Variants in ZP2 observed in about 807,000 individuals in gnomAD.
ZP2 encodes the protein zona pellucida glycoprotein 2.
Under a neutral mutation model 84.0 loss-of-function variants are expected in ZP2, and 51 were observed. That is an observed-to-expected ratio of 0.61 (90% CI 0.49 to 0.77). The LOEUF (loss-of-function observed/expected upper bound fraction) is 0.77. Ranked by LOEUF, ZP2 falls within the 30% of genes least tolerant of loss-of-function variation. ZP2 has a pLI of 0.00. For missense variants in ZP2, 909 were observed against 911.9 expected, an observed-to-expected ratio of 1.00 and a Z score of 0.04; for synonymous variants, 375 against 330.9, an observed-to-expected ratio of 1.13 and a Z score of -1.45.
At chr16:21,212,507 T>C (rs1234732840), upstream of ZP2, among the ~76,000 whole-genome samples, 4 of 152,258 alleles carry the variant, frequency 2.6e-5, no homozygotes, top group Non-Finnish European at 5.9e-5. Flanking sequence ...AAATACTGTT[T>C]TGTAATCTGC....
chr16:21,199,162 GAT>G (rs1276338691), intron 16 of ZP2, among the ~76,000 whole-genome samples: 1 of 149,030 alleles, frequency 6.7e-6, no homozygotes, highest in African/African-American at 2.5e-5. Flanking sequence ...CTCTACTAAA[GAT>G]ATAAAAGTTA....
chr16:21,202,351 C>G, intron 10 of ZP2, 60 bp from the exon 11 acceptor site: 1 of 1,403,376 alleles, frequency 7.1e-7, no homozygotes, highest in Non-Finnish European at 9.5e-7. Context: ...ACTGTCATCT[C>G]CCAACCTGAT....
upstream of ZP2, among the ~76,000 whole-genome samples, chr16:21,214,058 G>A (rs528952640): frequency 1.3e-5 from 2 of 151,836 alleles, no homozygotes; most frequent in Non-Finnish European, 2.9e-5. Flanking sequence ...TCTCCAGAGC[G>A]GGAAGTTTTT....
At chr16:21,206,769 T>G in intron 5 of ZP2, 69 bp downstream of exon 5, 2 of 1,591,890 alleles carry the variant, frequency 1.3e-6, no homozygotes, top group Non-Finnish European at 1.7e-6. Context: ...AGCCCCGCCC[T>G]GGTTAGATCA....
At chr16:21,211,058 G>C (rs1200326747) in intron 2 of ZP2, among the ~76,000 whole-genome samples, 1 of 152,118 alleles carries the variant, frequency 6.6e-6, no homozygotes, top group East Asian at 1.9e-4. Flanking sequence ...GTGGTGGTTT[G>C]CTGTTCTGTG....
chr16:21,203,119 CTT>C lies in ZP2; in HGVS notation c.1099+4_1099+5del. 6.2e-7 allele frequency: 1 copy of C among 1,612,718 alleles called. No homozygotes were observed. Among genetic ancestry groups the C allele is most frequent in the East Asian group, 2.2e-5 (1 of 44,836 alleles). ...GTAGAACATGATTTTAATAAAAGGT[CTT>C]TACCTATAGAAACGGGTGACTCACA... is the stretch of plus-strand genomic sequence containing the variant. On this transcript the variant is annotated splice_donor_5th_base_variant and intron_variant, in intron 10 of 18. Transcript: ENST00000574091.
At chr16:21,211,680 G>T (rs772998952), upstream of ZP2, 45 of 1,563,446 alleles carry the variant, frequency 2.9e-5, 2 homozygotes, top group South Asian at 4.6e-4. Context: ...CAGCTGAAAC[G>T]GAAGGATTGG....
rs1351143334 is a variant in ZP2 at position 21,205,482 on chromosome 16, T to C, written c.631A>G (p.Ile211Val). The change falls in exon 7 of 19, where the codon ATT (isoleucine) becomes GTT (valine). Residue 211 changes from isoleucine (I) to valine (V), a missense_variant. Ile to Val is a conservative substitution (Grantham distance 29). Coordinates refer to ENST00000574091, the MANE Select transcript of ZP2 (RefSeq NM_001376232.1). ...EAMKEGFSLL[I>V]DNHRMTFHVP... is the part of the protein sequence containing the mutation. Reference sequence around the variant, plus strand: ...TGGAAGGTCATCCTGTGGTTGTCAATCAAGAGGCTGAAGCCTTCCTTCATG... The same window carrying C: ...TGGAAGGTCATCCTGTGGTTGTCAACCAAGAGGCTGAAGCCTTCCTTCATG... 4 of 1,613,966 alleles carry C rather than the reference T, an allele frequency of 2.5e-6. No individual in the cohort carries two copies. Among genetic ancestry groups the C allele is most frequent in the Non-Finnish European group, 3.4e-6 (4 of 1,179,996 alleles).
In ZP2 at chr16:21,197,566, C is replaced by G. The variant is rs1388659303; in HGVS notation, c.2152G>C (p.Ala718Pro). 3 of 1,614,186 alleles carry G rather than the reference C, an allele frequency of 1.9e-6. No homozygotes were observed. The highest frequency in any genetic ancestry group is 2.5e-6 in the Non-Finnish European group (3 of 1,180,026). ...ACACCTGCAAAGGCAGCCACAGCAGCCACAGCTTTGGAACCAACATCTCCA... is the reference window on the plus strand; with the variant it reads ...ACACCTGCAAAGGCAGCCACAGCAGGCACAGCTTTGGAACCAACATCTCCA... ...TAGDVGSKAV[A>P]AVAAFAGVVA... Residue 718 changes from alanine to proline, a missense_variant, in exon 19 of 19, where the codon GCT becomes CCT. Transcript: ENST00000574091.
Position 21,204,230 on chromosome 16 carries a change from G to A in ZP2, c.791-19C>T, listed in dbSNP as rs749789211. On this transcript the variant is annotated intron_variant, in intron 8 of 18. Transcript: ENST00000574091. ...ACAGGATCTAGAAGGAATGACAACA[G>A]AATGCCCATTACCAGCCTTGATTAA... 4 of 1,614,090 alleles carry A rather than the reference G, an allele frequency of 2.5e-6. No homozygotes were observed. The Admixed American group carries it at 6.7e-5, about 27-fold the overall frequency.
intron 9 of ZP2, 54 bp downstream of exon 9, chr16:21,203,976 A>G: frequency 6.3e-7 from 1 of 1,594,372 alleles, no homozygotes; most frequent in Non-Finnish European, 8.5e-7. Context: ...TACCCACAAG[A>G]GTATACTTCA....
chr16:21,198,985 T>TG, intron 16 of ZP2, 123 bp from the exon 17 acceptor site: 1 of 906,112 alleles, frequency 1.1e-6, no homozygotes, highest in East Asian at 2.6e-5. Context: ...GTCTTGCCTT[T>TG]GCAGGCGAGG....
chr16:21,207,786 G>A (rs2093257151), intron 4 of ZP2, among the ~76,000 whole-genome samples: 1 of 152,086 alleles, frequency 6.6e-6, no homozygotes, highest in Non-Finnish European at 1.5e-5. Context: ...AGTCCGGGAG[G>A]TAGAGGTTGC....
At chr16:21,206,656 T>C (rs951027823) in intron 5 of ZP2, among the ~76,000 whole-genome samples, 182 bp downstream of exon 5, 12 of 152,180 alleles carry the variant, frequency 7.9e-5, no homozygotes, top group Non-Finnish European at 1.3e-4. Flanking sequence ...GTAAGCATTA[T>C]TGTCCCATCA....
intron 3 of ZP2, 156 bp from the exon 4 acceptor site, chr16:21,209,881 G>A (rs2093266571): frequency 1.4e-6 from 1 of 738,876 alleles, no homozygotes; most frequent in Middle Eastern, 2.5e-4. Context: ...GAGATGGTAT[G>A]ACTTGCAGCC....
chr16:21,207,052 AC>A, intron 4 of ZP2, 62 bp from the exon 5 acceptor site: 1 of 1,575,128 alleles, frequency 6.3e-7, no homozygotes, highest in South Asian at 1.1e-5. Context: ...ATTCTAGAAT[AC>A]CATCTGACCC....
rs199503555 is a variant in ZP2 at position 21,209,752 on chromosome 16, G to C, written c.236-27C>G. On this transcript the variant is annotated intron_variant, in intron 3 of 18. Coordinates refer to ENST00000574091, the MANE Select transcript of ZP2 (RefSeq NM_001376232.1). ...TGCCAAGGCCAGAGCAGGTTAGACAGGATGGCTGAGTACATTTCAGTGACA... is the reference window on the plus strand; with the variant it reads ...TGCCAAGGCCAGAGCAGGTTAGACACGATGGCTGAGTACATTTCAGTGACA... 36 of 1,599,642 alleles carry C rather than the reference G, an allele frequency of 2.3e-5. No individual in the cohort carries two copies. The East Asian group carries it at 7.6e-4, about 34-fold the overall frequency.
At chr16:21,203,394 C>A (rs1310677294) in intron 9 of ZP2, 143 bp from the exon 10 acceptor site, 1 of 1,054,458 alleles carries the variant, frequency 9.5e-7, no homozygotes, top group Non-Finnish European at 1.4e-6. Context: ...ACAAGAGAGA[C>A]CCTATCACTT....
chr16:21,205,288 A>G, intron 7 of ZP2, 132 bp downstream of exon 7: 1 of 1,044,946 alleles, frequency 9.6e-7, no homozygotes, highest in Non-Finnish European at 1.4e-6. Context: ...TACCCAGCGA[A>G]GTGTTTGGCA....
Sources: gnomAD v4.1 joint callset for allele counts (sites outside exome capture counted in the v4.1 genomes callset) on GRCh38, gnomAD v4.1.1 for gene constraint, MANE v1.5 for transcripts, NCBI Gene and HGNC (gene_info 2026-07-23, HGNC 2026-07-21) for gene names.